The following OPCML variants were observed in gnomAD, a reference collection of about 807,000 sequenced individuals.
OPCML encodes the protein opioid-binding protein/cell adhesion molecule.
A neutral mutation model predicts 37.8 loss-of-function variants in OPCML; 13 were observed. The ratio of observed to expected loss-of-function variants is 0.34; its 90% CI spans 0.22 to 0.55. OPCML has a LOEUF of 0.55. Among genes scored for constraint, OPCML ranks in the 20% least tolerant of loss-of-function variants. The pLI, the probability that OPCML is intolerant of heterozygous loss-of-function variation, is 0.91. For synonymous variants in OPCML, 176 were observed against 168.8 expected (o/e 1.04, Z -0.33); for missense variants, 341 against 435.6 (o/e 0.78, Z 1.93).
chr11:133,004,398 C>A, intron 1 of OPCML: 2 of 985,468 alleles, frequency 2.0e-6, no homozygotes, highest in Non-Finnish European at 2.4e-6. Flanking sequence ...AAGTTGGAAT[C>A]GTGTCTATCA....
At chr11:132,649,492 C>T (rs750202367) in intron 3 of OPCML, among the ~76,000 whole-genome samples, 111 of 152,182 alleles carry the variant, frequency 7.3e-4, no homozygotes, top group Non-Finnish European at 1.4e-3. Context: ...TAACCCTGAG[C>T]GCAGGGGGCG....
chr11:132,734,173 G>A (rs1433303240), intron 2 of OPCML, among the ~76,000 whole-genome samples: 1 of 152,124 alleles, frequency 6.6e-6, no homozygotes, highest in Non-Finnish European at 1.5e-5. Flanking sequence ...ACACAATGGA[G>A]CTTCAGATTT....
At position 132,818,298 on chromosome 11, in the gene OPCML, A is replaced by G. The variant is rs533574198; in HGVS notation, c.146+124628T>C. 9.2e-5 allele frequency among the ~76,000 whole-genome samples: 14 copies of G among 151,670 alleles called. No homozygotes were observed. In the East Asian group the frequency reaches 1.6e-3, roughly 17 times the overall value. ...TTTCTTCTATTTTATCTTTTCTTCA[A>G]TTTGGGGTAATTAATTGTATACATC... On this transcript the variant is annotated intron_variant, in intron 2 of 7. Transcript: ENST00000524381.
At chr11:133,030,015 G>C (rs1947636670) in intron 1 of OPCML, among the ~76,000 whole-genome samples, 1 of 152,140 alleles carries the variant, frequency 6.6e-6, no homozygotes, top group African/African-American at 2.4e-5. Context: ...ATTAGTGTTT[G>C]AGCTGCTGGC....
At chr11:132,773,279 T>C (rs1348489584) in intron 2 of OPCML, 4 of 152,172 alleles carry the variant, frequency 2.6e-5, no homozygotes, top group Non-Finnish European at 2.9e-5. Context: ...ACCCTGCTAA[T>C]ACCCGCCTTC....
Position 132,715,084 on chromosome 11 carries a change from A to C in OPCML, c.147-57765T>G, listed in dbSNP as rs535329399. 8.9e-4 allele frequency among the ~76,000 whole-genome samples: 136 copies of C among 152,308 alleles called. 2 individuals are homozygous for C. Among genetic ancestry groups the C allele is most frequent in the South Asian group, 8.5e-3 (41 of 4,832 alleles). ...AGGCAGCTCTCAGACAGATCACCCC[A>C]GTCCTCAGCAGGAACTGTGACTCCA... is the stretch of plus-strand genomic sequence containing the variant. On this transcript the variant is annotated intron_variant, in intron 2 of 7. Coordinates refer to ENST00000524381, the MANE Select transcript of OPCML (RefSeq NM_001012393.5).
At chr11:132,553,057 C>T (rs151240990) in intron 3 of OPCML, among the ~76,000 whole-genome samples, 38 of 152,264 alleles carry the variant, frequency 2.5e-4, no homozygotes, top group Admixed American at 5.2e-4. Flanking sequence ...AGCCACTACG[C>T]GCAGCCGAAT....
intron 3 of OPCML, among the ~76,000 whole-genome samples, chr11:132,563,777 C>T (rs977875442): frequency 6.6e-6 from 1 of 150,464 alleles, no homozygotes; most frequent in Non-Finnish European, 1.5e-5. Flanking sequence ...TCCACTTTTA[C>T]GTTATTAAAA....
At chr11:133,182,402 C>T (rs1451758175) in intron 1 of OPCML, among the ~76,000 whole-genome samples, 1 of 152,178 alleles carries the variant, frequency 6.6e-6, no homozygotes, top group Non-Finnish European at 1.5e-5. Context: ...GAACAGATCT[C>T]TTATTCTTTT....
chr11:132,824,256 C>T (rs1940164553), intron 2 of OPCML, among the ~76,000 whole-genome samples: 1 of 152,154 alleles, frequency 6.6e-6, no homozygotes, highest in Non-Finnish European at 1.5e-5. Context: ...TTATTGAAGC[C>T]ATTCCAGACA....
At chr11:132,897,312 G>A (rs770606709) in intron 2 of OPCML, among the ~76,000 whole-genome samples, 5 of 152,094 alleles carry the variant, frequency 3.3e-5, no homozygotes, top group Non-Finnish European at 5.9e-5. Context: ...GAAACTGAAC[G>A]CTTGACCATG....
chr11:132,461,360 T>C (rs1300073406), intron 4 of OPCML, among the ~76,000 whole-genome samples: 1 of 152,158 alleles, frequency 6.6e-6, no homozygotes, highest in Admixed American at 6.5e-5. Flanking sequence ...ATGAAGCCTC[T>C]ATGAAATTGC....
At chr11:133,076,974 G>A (rs1948630231) in intron 1 of OPCML, among the ~76,000 whole-genome samples, 1 of 152,222 alleles carries the variant, frequency 6.6e-6, no homozygotes, top group Non-Finnish European at 1.5e-5. Flanking sequence ...GGTTGGCGGT[G>A]GGGCAGGAGG....
intron 2 of OPCML, among the ~76,000 whole-genome samples, chr11:132,889,246 C>A (rs1024311310): frequency 1.3e-5 from 2 of 152,180 alleles, no homozygotes; most frequent in Admixed American, 6.5e-5. Context: ...AATGGTGGCT[C>A]CTTCTGTTCT....
intron 1 of OPCML, chr11:133,004,233 G>A (rs1947064311): frequency 8.1e-6 from 8 of 985,464 alleles, no homozygotes; most frequent in Non-Finnish European, 9.6e-6. Context: ...CATTGCCAGT[G>A]CCCCTGGGGA....
At chr11:133,409,620 A>G (rs993853389) in intron 1 of OPCML, among the ~76,000 whole-genome samples, 1 of 152,136 alleles carries the variant, frequency 6.6e-6, no homozygotes, top group Non-Finnish European at 1.5e-5. Flanking sequence ...ACTATTCCCA[A>G]TTCATAGCTG....
At chr11:133,321,130 C>A (rs368346750) in intron 1 of OPCML, among the ~76,000 whole-genome samples, 92 of 151,976 alleles carry the variant, frequency 6.1e-4, no homozygotes, top group Middle Eastern at 6.8e-3. Flanking sequence ...TAAAACATGC[C>A]GTATTTGGTA....
At chr11:132,999,573 G>GT (rs1565390197) in intron 1 of OPCML, among the ~76,000 whole-genome samples, 2 of 108,438 alleles carry the variant, frequency 1.8e-5, no homozygotes, top group East Asian at 3.4e-4. Context: ...TGGGGTCGGG[G>GT]GGGGAATGCC....
At chr11:132,620,330 C>G (rs2137911541) in intron 3 of OPCML, among the ~76,000 whole-genome samples, 1 of 152,338 alleles carries the variant, frequency 6.6e-6, no homozygotes, top group Middle Eastern at 3.4e-3. Flanking sequence ...CCCAGTTACA[C>G]ACTCACATTT....
Sources: gnomAD v4.1 joint callset for allele counts (sites outside exome capture counted in the v4.1 genomes callset) on GRCh38, gnomAD v4.1.1 for gene constraint, MANE v1.5 for transcripts, NCBI Gene and HGNC (gene_info 2026-07-23, HGNC 2026-07-21) for gene names.